The following FARP2 variants were observed in gnomAD, a reference collection of about 807,000 sequenced individuals.
FARP2 encodes FERM, ARH/RhoGEF and pleckstrin domain protein 2.
A neutral mutation model predicts 130.5 loss-of-function variants in FARP2; 111 were observed. That is an observed-to-expected ratio of 0.85 (90% confidence interval 0.73 to 1.00). The LOEUF (loss-of-function observed/expected upper bound fraction) is 1.00, where lower values mean the gene tolerates loss of function less well. FARP2 is among the 50% of genes least tolerant of loss of function. FARP2 has a pLI of 0.00. For missense variants in FARP2, 1,385 were observed against 1,346.3 expected (o/e 1.03, Z -0.45); for synonymous variants, 504 against 516.9 (o/e 0.98, Z 0.34).
chr2:241,422,865 T>A (rs913295365), intron 8 of FARP2, among the ~76,000 whole-genome samples: 25 of 151,992 alleles, frequency 1.6e-4, no homozygotes, highest in African/African-American at 5.8e-4. Context: ...GGAAAGAATC[T>A]CAGAGCATTG....
At chr2:241,375,356 GA>G (rs202223750) in intron 2 of FARP2, among the ~76,000 whole-genome samples, 1 of 151,004 alleles carries the variant, frequency 6.6e-6, no homozygotes, top group African/African-American at 2.4e-5. Flanking sequence ...AAATTTAAGA[GA>G]AAAAAAGTGA....
At chr2:241,416,460 T>G (rs1436600180) in intron 7 of FARP2, among the ~76,000 whole-genome samples, 3 of 151,486 alleles carry the variant, frequency 2.0e-5, no homozygotes, top group African/African-American at 7.3e-5. Context: ...ATCCTTCAGG[T>G]TTTTTTTTAA....
In FARP2 at chr2:241,482,740, C is replaced by CCTG. The variant is rs1474974253; in HGVS notation, c.2263-719_2263-717dup. On this transcript the variant is annotated intron_variant, in intron 19 of 26. Transcript: ENST00000264042. This position sits in a 1 kb window ranked among gnomAD's most constrained non-coding sequence, Gnocchi z 4.6. ...AGGCCCCTAGCACATTCTCCGGACA[C>CCTG]CTGCTGCTCCTCCTGTTTGTCTGAA... is the stretch of plus-strand genomic sequence containing the variant. Among the ~76,000 whole-genome samples the CCTG allele has an allele frequency of 1.3e-5, 2 of 152,142 alleles. No homozygotes were observed. The highest frequency in any genetic ancestry group is 1.3e-4 in the Admixed American group (2 of 15,278).
intron 1 of FARP2, among the ~76,000 whole-genome samples, chr2:241,358,436 A>G (rs988630041): frequency 2.0e-5 from 3 of 152,276 alleles, no homozygotes; most frequent in Non-Finnish European, 4.4e-5. Context: ...ATGCATGGGC[A>G]ATTCCATGTG....
intron 7 of FARP2, among the ~76,000 whole-genome samples, chr2:241,417,039 G>A (rs1045325109): frequency 3.9e-5 from 6 of 152,158 alleles, no homozygotes; most frequent in Admixed American, 2.6e-4. Flanking sequence ...AGTGGCTCTC[G>A]CCTGTAATCC....
chr2:241,463,617 G>C lies in FARP2; in HGVS notation c.1811+149G>C, dbSNP rs895027535. 7.1e-6 allele frequency: 6 copies of C among 849,140 alleles called. No individual in the cohort carries two copies. The African/African-American group carries it at 1.0e-4, about 14-fold the overall frequency. 52.6% of individuals were successfully genotyped at this position (849,140 alleles called of 1,614,324 possible). ...GGAGCCTGTGGGGAGAGGTACAGAT[G>C]TAATAATACCCTTTATTCACCCTCT... is the stretch of plus-strand genomic sequence containing the variant. On this transcript the variant is annotated intron_variant, in intron 16 of 26. Transcript: ENST00000264042.
chr2:241,397,721 G>T (rs967510844), intron 2 of FARP2, among the ~76,000 whole-genome samples: 1 of 151,912 alleles, frequency 6.6e-6, no homozygotes, highest in East Asian at 1.9e-4. Context: ...GGTTCTTGGT[G>T]TATCAAGCAG....
intron 7 of FARP2, 38 bp from the exon 8 acceptor site, chr2:241,417,924 G>C (rs749287920): frequency 3.1e-6 from 5 of 1,610,454 alleles, no homozygotes; most frequent in Middle Eastern, 1.7e-4. Context: ...CAGAAATCAA[G>C]TGTTTGTAGT....
intron 2 of FARP2, among the ~76,000 whole-genome samples, chr2:241,381,871 C>T (rs1160890503): frequency 6.6e-6 from 1 of 152,214 alleles, no homozygotes; most frequent in African/African-American, 2.4e-5. Flanking sequence ...CCTGGTGAAG[C>T]CCCCCAAGTC....
At chr2:241,492,666 ATGGT>A (rs1318822812) in intron 24 of FARP2, 1 of 402,884 alleles carries the variant, frequency 2.5e-6, no homozygotes, top group East Asian at 4.2e-5. Flanking sequence ...GGGTTTGTGG[ATGGT>A]TGGTTACTGA....
At chr2:241,466,703 CA>C in intron 17 of FARP2, 1 of 668,668 alleles carries the variant, frequency 1.5e-6, no homozygotes, top group Non-Finnish European at 1.8e-6. Flanking sequence ...CCCCCCCCAC[CA>C]CCACCACCCG....
chr2:241,472,335 G>A (rs2064343558), intron 18 of FARP2, among the ~76,000 whole-genome samples: 1 of 151,728 alleles, frequency 6.6e-6, no homozygotes, highest in Admixed American at 6.6e-5. Context: ...GCTGTTCTCA[G>A]GGGACCCTGT....
intron 13 of FARP2, among the ~76,000 whole-genome samples, chr2:241,452,257 A>G (rs944350098): frequency 1.3e-4 from 20 of 152,282 alleles, no homozygotes; most frequent in African/African-American, 4.8e-4. Context: ...CTCACTGTGG[A>G]GTACATCTGT....
intron 2 of FARP2, among the ~76,000 whole-genome samples, chr2:241,380,671 TTATTA>T (rs1457172834): frequency 2.7e-5 from 4 of 148,510 alleles, no homozygotes; most frequent in African/African-American, 9.8e-5. Context: ...AGATTTCAGA[TTATTA>T]TATTATAATA....
chr2:241,433,006 T>C (rs1293565661), intron 9 of FARP2, among the ~76,000 whole-genome samples: 3 of 152,214 alleles, frequency 2.0e-5, no homozygotes, highest in Non-Finnish European at 4.4e-5. Flanking sequence ...TGTTTGCTTT[T>C]GGTAGAAGGC....
rs2063856512 is a variant in FARP2 at position 241,456,861 on chromosome 2, T to A, written c.1526T>A (p.Leu509Gln). ...GCTGAACAGGGCTCATCCCCACTCC[T>A]GAGCCCTGTCCTCAGTGATGCTGGC... ...GPAEQGSSPL[L>Q]SPVLSDAGGA... is the part of the protein sequence containing the mutation. Residue 509 changes from leucine (L) to glutamine (Q), a missense_variant, in exon 14 of 27, where the codon CTG becomes CAG. By Grantham distance (113) the Leu-to-Gln change is moderately radical. Transcript: ENST00000264042. 6.2e-7 allele frequency: 1 copy of A among 1,613,758 alleles called. No homozygotes were observed. Among genetic ancestry groups the A allele is most frequent in the African/African-American group, 1.3e-5 (1 of 74,916 alleles).
chr2:241,443,747 G>T (rs888721373), intron 13 of FARP2: 2 of 152,310 alleles, frequency 1.3e-5, no homozygotes, highest in African/African-American at 4.8e-5. Flanking sequence ...AATTTGTCAA[G>T]TCCACAGATA....
At chr2:241,369,432 C>G (rs555097047) in intron 1 of FARP2, among the ~76,000 whole-genome samples, 94 of 152,076 alleles carry the variant, frequency 6.2e-4, no homozygotes, top group Non-Finnish European at 1.2e-3. Context: ...CAGTCCCTCT[C>G]TCCCATCAAG....
chr2:241,466,510 A>C, intron 17 of FARP2: 1 of 985,446 alleles, frequency 1.0e-6, no homozygotes, highest in African/African-American at 1.7e-5. Context: ...CCTGCCACAG[A>C]GAGGGACCCC....
Sources: gnomAD v4.1 joint callset for allele counts (sites outside exome capture counted in the v4.1 genomes callset) on GRCh38, gnomAD v4.1.1 for gene constraint, Gnocchi (gnomAD v3.1) non-coding constraint, MANE v1.5 for transcripts, NCBI Gene and HGNC (gene_info 2026-07-23, HGNC 2026-07-21) for gene names.